Variants in ABCC10 observed in about 807,000 individuals in gnomAD.
The protein encoded by ABCC10 is ATP-binding cassette sub-family C member 10.
ABCC10 carries 110 observed loss-of-function variants against 143.2 expected under a neutral mutation model. The ratio of observed to expected loss-of-function variants is 0.77; its 90% confidence interval spans 0.66 to 0.90. The LOEUF (loss-of-function observed/expected upper bound fraction) is 0.90. ABCC10 is among the 40% of genes least tolerant of loss of function. ABCC10 has a pLI of 0.00. For synonymous variants in ABCC10, 805 were observed against 846.7 expected (o/e 0.95, Z 0.85); for missense variants, 1,700 against 1,900.5 (o/e 0.89, Z 1.96).
intron 8 of ABCC10, among the ~76,000 whole-genome samples, chr6:43,440,330 A>T (rs1175421022): frequency 1.3e-5 from 2 of 152,210 alleles, no homozygotes. Flanking sequence ...TGGGCTACTA[A>T]GCAAAGGGAT....
At chr6:43,446,706 G>A (rs147111776) in intron 16 of ABCC10, 44 of 1,309,610 alleles carry the variant, frequency 3.4e-5, no homozygotes, top group East Asian at 2.3e-4. Context: ...CTTCCACCCC[G>A]TCCCCACCAC....
In ABCC10 at chr6:43,438,631, G is replaced by C. The variant is rs1162357357; in HGVS notation, c.1963G>C (p.Gly655Arg). 6.2e-7 allele frequency: 1 copy of C among 1,613,782 alleles called. No individual in the cohort carries two copies. The highest frequency in any genetic ancestry group is 8.5e-7 in the Non-Finnish European group (1 of 1,180,010). ...TCGCCTGGCTCTCTGCAGGCTGCGT[G>C]GGCATGTGGCAGTGCGGGGGCTGTC... ...AIAGELHRLRGHVAVRGLSKG... is the reference protein window; with the variant it reads ...AIAGELHRLRRHVAVRGLSKG... The change falls in exon 8 of 22, where the codon GGG becomes CGG. Residue 655 changes from glycine (G) to arginine (R), a missense_variant. Transcript: ENST00000372530.
intron 3 of ABCC10, 136 bp from the exon 4 acceptor site, chr6:43,434,485 C>T (rs1055113140): frequency 6.2e-6 from 5 of 803,468 alleles, no homozygotes; most frequent in Non-Finnish European, 6.0e-6. Context: ...AGGAAGAAAA[C>T]CAAGACTAGG....
chr6:43,428,186 TCTCAC>T, intron 2 of ABCC10, 47 bp downstream of exon 2: 1 of 1,470,850 alleles, frequency 6.8e-7, no homozygotes, highest in Non-Finnish European at 9.0e-7. Flanking sequence ...TGCCTGCAGA[TCTCAC>T]CCGCGGCCTA....
chr6:43,435,197 T>TA (rs1051459997), intron 4 of ABCC10: 82 of 215,570 alleles, frequency 3.8e-4, no homozygotes, highest in African/African-American at 1.3e-3. Flanking sequence ...TTGGAAATTC[T>TA]AAAAAAAAGA....
downstream of ABCC10, among the ~76,000 whole-genome samples, chr6:43,451,488 G>A (rs1783732004): frequency 6.6e-6 from 1 of 152,202 alleles, no homozygotes; most frequent in African/African-American, 2.4e-5. The surrounding 1 kb of genome is among the most constrained non-coding windows in gnomAD (Gnocchi z 4.4). Flanking sequence ...TTAGCACAGG[G>A]CCCAGCCAGA....
intron 17 of ABCC10, 42 bp from the exon 18 acceptor site, chr6:43,447,642 T>A: frequency 6.2e-7 from 1 of 1,609,874 alleles, no homozygotes; most frequent in Non-Finnish European, 8.5e-7. Flanking sequence ...ATCTCCCCTA[T>A]CTCCCTTTCC....
Position 43,430,213 on chromosome 6 carries a change from C to G in ABCC10, c.162-1929C>G, listed in dbSNP as rs141536039. Among the ~76,000 whole-genome samples, 715 of 152,148 alleles carry G rather than the reference C, an allele frequency of 4.7e-3. 3 individuals are homozygous for G. Among genetic ancestry groups the G allele is most frequent in the Admixed American group, 0.01 (153 of 15,296 alleles). ...TCAAGCGATTCTCCTGCCTTAGCCTCCAGAGTAGCTGAGACTACAGGCATG... is the reference window on the plus strand; with the variant it reads ...TCAAGCGATTCTCCTGCCTTAGCCTGCAGAGTAGCTGAGACTACAGGCATG... On this transcript the variant is annotated intron_variant, in intron 2 of 21. Coordinates refer to ENST00000372530, the MANE Select transcript of ABCC10 (RefSeq NM_001198934.2).
In ABCC10 at chr6:43,445,626, C is replaced by T. The variant is rs1282872312; in HGVS notation, c.3058C>T (p.Pro1020Ser). The change falls in exon 15 of 22, where the codon CCC (proline) becomes TCC (serine). Residue 1020 changes from proline to serine, a missense_variant. By Grantham distance (74) the Pro-to-Ser change is moderately conservative. Transcript: ENST00000372530. The part of the protein sequence containing the change: ...MAPVTFFNAT[P>S]TGRILNRFSS... ...ACCAGTGACTTTCTTCAATGCCACACCCACGGGCCGGATCCTAAACCGCTT... is the reference window on the plus strand; with the variant it reads ...ACCAGTGACTTTCTTCAATGCCACATCCACGGGCCGGATCCTAAACCGCTT... The T allele has an allele frequency of 1.5e-5, 24 of 1,612,996 alleles. No individual in the cohort carries two copies. Among genetic ancestry groups the T allele is most frequent in the Non-Finnish European group, 2.0e-5 (24 of 1,179,188 alleles).
chr6:43,450,805 G>A (rs139041633), downstream of ABCC10: 18 of 1,614,074 alleles, frequency 1.1e-5, no homozygotes, highest in Middle Eastern at 6.6e-4. This position sits in a 1 kb window ranked among gnomAD's most constrained non-coding sequence, Gnocchi z 4.5. Context: ...TCTTGCCTCC[G>A]CACCACCTCC....
chr6:43,437,835 C>T (rs1044207668), intron 6 of ABCC10, 99 bp from the exon 7 acceptor site: 2 of 1,139,382 alleles, frequency 1.8e-6, no homozygotes, highest in African/African-American at 1.5e-5. Context: ...AGAGAAGCCT[C>T]AGTGGGAGGA....
Position 43,449,221 on chromosome 6 carries a change from A to G in ABCC10, c.4203+17A>G, listed in dbSNP as rs377638239. On this transcript the variant is annotated intron_variant, in intron 20 of 21. Transcript: ENST00000372530. ...GATGCCAAGGTAAGGTGAGAGAAAG[A>G]GACATTAGAGAGGGCCAGGAAGAAG... 6.8e-6 allele frequency: 11 copies of G among 1,612,134 alleles called. No homozygotes were observed. In the African/African-American group the frequency reaches 9.4e-5, roughly 14 times the overall value.
At chr6:43,444,460 C>A in intron 12 of ABCC10, 107 bp downstream of exon 12, 1 of 1,333,486 alleles carries the variant, frequency 7.5e-7, no homozygotes, top group Non-Finnish European at 1.0e-6. Flanking sequence ...AAGCATGGGT[C>A]ACAGCTGGGA....
chr6:43,436,153 C>T lies in ABCC10; in HGVS notation c.1781C>T (p.Pro594Leu), dbSNP rs1474478205. 3.1e-6 allele frequency: 5 copies of T among 1,614,046 alleles called. No individual in the cohort carries two copies. The highest frequency in any genetic ancestry group is 4.2e-6 in the Non-Finnish European group (5 of 1,180,012). Reference sequence around the variant, plus strand: ...CTCTGTTCAGATCCCCCTGCAGAGCCATCTACAGTATTGGAGCTGCATGGA... The same window carrying T: ...CTCTGTTCAGATCCCCCTGCAGAGCTATCTACAGTATTGGAGCTGCATGGA... ...AYYSPDPPAE[P>L]STVLELHGAL... is the part of the protein sequence containing the mutation. Residue 594 changes from proline (P) to leucine (L), a missense_variant, in exon 6 of 22, where the codon CCA becomes CTA. Coordinates refer to ENST00000372530, the MANE Select transcript of ABCC10 (RefSeq NM_001198934.2).
rs1435511699 is a variant in ABCC10, at chr6:43,435,748, C to G, written c.1609-3C>G. 3.1e-6 allele frequency: 5 copies of G among 1,613,870 alleles called. No individual in the cohort carries two copies. In the East Asian group the frequency reaches 8.9e-5, roughly 29 times the overall value. ...GGCTTCACCCTGCACCCACCTCACT[C>G]AGGTGTTCACGGCCCTGGCACTGGT... On this transcript the variant is annotated splice_region_variant and splice_polypyrimidine_tract_variant and intron_variant, in intron 4 of 21. Transcript: ENST00000372530.
intron 8 of ABCC10, among the ~76,000 whole-genome samples, chr6:43,439,530 G>A (rs1476081611): frequency 2.0e-5 from 3 of 151,932 alleles, no homozygotes. Flanking sequence ...AGCCCCTCAA[G>A]TGGCTGGGAC....
intron 2 of ABCC10, among the ~76,000 whole-genome samples, chr6:43,428,909 T>C (rs1331852115): frequency 6.6e-6 from 1 of 152,192 alleles, no homozygotes; most frequent in Non-Finnish European, 1.5e-5. Flanking sequence ...GAGAAGGCTG[T>C]CTATGCTAGG....
intron 18 of ABCC10, chr6:43,448,205 A>G: frequency 1.7e-6 from 1 of 578,454 alleles, no homozygotes. Context: ...TACACCCTCC[A>G]CTCTTGTGCC....
intron 6 of ABCC10, among the ~76,000 whole-genome samples, 178 bp from the exon 7 acceptor site, chr6:43,437,756 T>G (rs1245739667): frequency 6.6e-6 from 1 of 152,200 alleles, no homozygotes; most frequent in African/African-American, 2.4e-5. Context: ...CCTACTTTTC[T>G]AGAGCCTGAT....
Sources: gnomAD v4.1 joint callset for allele counts (sites outside exome capture counted in the v4.1 genomes callset) on GRCh38, gnomAD v4.1.1 for gene constraint, Gnocchi (gnomAD v3.1) non-coding constraint, MANE v1.5 for transcripts, NCBI Gene and HGNC (gene_info 2026-07-23, HGNC 2026-07-21) for gene names.